Variants in AGBL4 observed in about 807,000 individuals in gnomAD.
The protein encoded by AGBL4 is AGBL carboxypeptidase 4.
A neutral mutation model predicts 66.4 loss-of-function variants in AGBL4; 58 were observed. That is an observed-to-expected ratio of 0.87 (90% CI 0.71 to 1.09). The LOEUF is 1.09. Ranked by LOEUF, AGBL4 falls within the 50% of genes least tolerant of loss-of-function variation. AGBL4 has a pLI of 0.00. For synonymous variants in AGBL4, 234 were observed against 222.9 expected, an observed-to-expected ratio of 1.05 and a Z score of -0.44; for missense variants, 579 against 631.0, an observed-to-expected ratio of 0.92 and a Z score of 0.88.
At chr1:49,259,180 C>A (rs910597067) in intron 3 of AGBL4, among the ~76,000 whole-genome samples, 1 of 152,014 alleles carries the variant, frequency 6.6e-6, no homozygotes, top group Admixed American at 6.6e-5. Flanking sequence ...AAGGAGCAAC[C>A]AGTACCAGCC....
chr1:49,716,766 T>C (rs1041363538), intron 2 of AGBL4, among the ~76,000 whole-genome samples: 1 of 152,058 alleles, frequency 6.6e-6, no homozygotes, highest in Admixed American at 6.6e-5. Context: ...TAGGTATTGA[T>C]GGAACATATC....
At chr1:49,426,632 T>G (rs929637232) in intron 3 of AGBL4, among the ~76,000 whole-genome samples, 1 of 152,204 alleles carries the variant, frequency 6.6e-6, no homozygotes, top group African/African-American at 2.4e-5. Context: ...ACTTGTTCTG[T>G]GCCTGCCCCA....
chr1:48,977,366 A>AGATC (rs1321076673), intron 5 of AGBL4, among the ~76,000 whole-genome samples: 1 of 152,174 alleles, frequency 6.6e-6, no homozygotes, highest in Non-Finnish European at 1.5e-5. Flanking sequence ...ATGATCTAAT[A>AGATC]AAGTCTCAGT....
At chr1:49,457,742 G>A (rs1377668442) in intron 3 of AGBL4, among the ~76,000 whole-genome samples, 1 of 151,872 alleles carries the variant, frequency 6.6e-6, no homozygotes, top group South Asian at 2.1e-4. Context: ...TTTGTACAAG[G>A]TGAGACATAA....
At chr1:48,690,012 A>G (rs1040486745) in intron 6 of AGBL4, among the ~76,000 whole-genome samples, 6 of 152,230 alleles carry the variant, frequency 3.9e-5, no homozygotes, top group Admixed American at 1.3e-4. Flanking sequence ...CTGCACTGTT[A>G]TAACTCGTTA....
At chr1:49,230,771 T>G (rs1030528209) in intron 4 of AGBL4, among the ~76,000 whole-genome samples, 58 of 152,218 alleles carry the variant, frequency 3.8e-4, no homozygotes, top group Non-Finnish European at 7.9e-4. Flanking sequence ...AGTTACCTCT[T>G]CTTTCAATGA....
intron 2 of AGBL4, chr1:49,846,453 C>T: frequency 1.5e-6 from 2 of 1,320,696 alleles, no homozygotes; most frequent in South Asian, 2.8e-5. Flanking sequence ...ATAGCTCATC[C>T]CTTTCTAGAT....
At chr1:49,460,379 GT>G in intron 3 of AGBL4, among the ~76,000 whole-genome samples, 1 of 151,408 alleles carries the variant, frequency 6.6e-6, no homozygotes, top group East Asian at 1.9e-4. Context: ...TTGTTTTCAA[GT>G]TTTTTTGTCT....
In AGBL4 at chr1:48,585,764, T is replaced by A. The variant is rs1329745572; in HGVS notation, c.1267+1240A>T. 2.0e-5 allele frequency: 3 copies of A among 152,220 alleles called. 1 individual carries two copies. The highest frequency in any genetic ancestry group is 7.2e-5 in the African/African-American group (3 of 41,438). 9.4% of individuals were successfully genotyped at this position (152,220 alleles called of 1,614,324 possible). ...CTCCTTCTAGGGCCATTGCCCTACT[T>A]CCGATGTTCCTGGCAAGGTACCTGG... On this transcript the variant is annotated intron_variant, in intron 11 of 13. Coordinates refer to ENST00000371839, the MANE Select transcript of AGBL4 (RefSeq NM_032785.4).
At chr1:49,331,126 G>A (rs924528834) in intron 3 of AGBL4, among the ~76,000 whole-genome samples, 8 of 151,806 alleles carry the variant, frequency 5.3e-5, no homozygotes, top group East Asian at 3.9e-4. Context: ...GCTGTGTGGA[G>A]TCTCGGCAGA....
intron 2 of AGBL4, among the ~76,000 whole-genome samples, chr1:49,758,577 A>C (rs1456466850): frequency 6.6e-6 from 1 of 152,172 alleles, no homozygotes; most frequent in Admixed American, 6.5e-5. Context: ...GGGAGCTTTA[A>C]GATTTAATGA....
At position 48,653,440 on chromosome 1, in the gene AGBL4, A is replaced by G; in HGVS notation, c.736T>C (p.Phe246Leu). 1.3e-6 allele frequency: 2 copies of G among 1,577,248 alleles called. No individual in the cohort carries two copies. Among genetic ancestry groups the G allele is most frequent in the South Asian group, 2.3e-5 (2 of 85,554 alleles). The change falls in exon 8 of 14, where the codon TTC (phenylalanine) becomes CTC (leucine). Residue 246 changes from phenylalanine to leucine, a missense_variant. Phe to Leu is a conservative substitution (Grantham distance 22). Transcript: ENST00000371839. ...SSFVCQGIID[F>L]LVSQHPIACV... The stretch of plus-strand genomic sequence containing the variant: ...GCAATAGGGTGCTGGCTTACAAGGA[A>G]GTCAATGATCCCTAGGGAAAGAGAA...
At chr1:48,961,355 G>A (rs1657960342) in intron 5 of AGBL4, among the ~76,000 whole-genome samples, 1 of 152,190 alleles carries the variant, frequency 6.6e-6, no homozygotes, top group Non-Finnish European at 1.5e-5. Context: ...CTCACTTGGA[G>A]CATCAGCACT....
chr1:49,896,172 G>A (rs2148179025), intron 1 of AGBL4, among the ~76,000 whole-genome samples: 1 of 152,126 alleles, frequency 6.6e-6, no homozygotes, highest in African/African-American at 2.4e-5. Flanking sequence ...GGTCAATTCA[G>A]CAAGAGAACA....
rs566191752 is a variant in AGBL4, at chr1:48,829,650, A to G, written c.634+37541T>C. Reference sequence around the variant, plus strand: ...ATCTCTCAGGGGAAGAGACTGAAGAACAGAAAATAGGGTAGTTGGAAGAAT... The same window carrying G: ...ATCTCTCAGGGGAAGAGACTGAAGAGCAGAAAATAGGGTAGTTGGAAGAAT... On this transcript the variant is annotated intron_variant, in intron 6 of 13. Transcript: ENST00000371839. Among the ~76,000 whole-genome samples the G allele has an allele frequency of 2.0e-5, 3 of 152,240 alleles. No homozygotes were observed. In the East Asian group the frequency reaches 5.8e-4, roughly 29 times the overall value.
At chr1:48,986,355 C>A (rs1035888724) in intron 5 of AGBL4, among the ~76,000 whole-genome samples, 7 of 151,602 alleles carry the variant, frequency 4.6e-5, no homozygotes, top group African/African-American at 1.7e-4. Context: ...AAAACTATAC[C>A]AGGGCACATC....
chr1:49,198,901 A>G (rs891068193), intron 4 of AGBL4, among the ~76,000 whole-genome samples: 1 of 152,178 alleles, frequency 6.6e-6, no homozygotes, highest in Non-Finnish European at 1.5e-5. Context: ...AACTAATTAG[A>G]GTAAATTCCA....
At chr1:49,450,933 TC>T (rs1367360206) in intron 3 of AGBL4, among the ~76,000 whole-genome samples, 1 of 152,052 alleles carries the variant, frequency 6.6e-6, no homozygotes, top group Non-Finnish European at 1.5e-5. Context: ...ATTTATTAGT[TC>T]CCAATTCTAT....
intron 2 of AGBL4, among the ~76,000 whole-genome samples, chr1:49,835,935 G>A (rs996481587): frequency 1.3e-5 from 2 of 152,152 alleles, no homozygotes; most frequent in African/African-American, 4.8e-5. Context: ...TAGGATTTCT[G>A]CAGAGAGATC....
Sources: gnomAD v4.1 joint callset for allele counts (sites outside exome capture counted in the v4.1 genomes callset) on GRCh38, gnomAD v4.1.1 for gene constraint, MANE v1.5 for transcripts, NCBI Gene and HGNC (gene_info 2026-07-23, HGNC 2026-07-21) for gene names.